The following TRIM10 variants were observed in gnomAD, a reference collection of about 807,000 sequenced individuals.
TRIM10 encodes tripartite motif containing 10, also known as tripartite motif-containing protein 10.
Under a neutral mutation model 40.0 loss-of-function variants are expected in TRIM10, and 42 were observed. The ratio of observed to expected loss-of-function variants is 1.05; its 90% CI spans 0.82 to 1.36. The LOEUF is 1.36. Ranked by LOEUF, TRIM10 falls within the 40% of genes most tolerant of loss-of-function variation. TRIM10 has a pLI of 0.00. For synonymous variants in TRIM10, 260 were observed against 239.5 expected (o/e 1.09, Z -0.79); for missense variants, 601 against 608.3 (o/e 0.99, Z 0.13).
chr6:30,155,450 G>A (rs967044587), intron 6 of TRIM10, among the ~76,000 whole-genome samples: 2 of 152,054 alleles, frequency 1.3e-5, no homozygotes, highest in Non-Finnish European at 2.9e-5. Flanking sequence ...TTCATACCAC[G>A]AATGTAGTAT....
In TRIM10 at chr6:30,154,230, C is replaced by T; in HGVS notation, c.1185G>A (p.Arg395=). 1 of 1,612,910 alleles carries T rather than the reference C, an allele frequency of 6.2e-7. No homozygotes were observed. The highest frequency in any genetic ancestry group is 8.5e-7 in the Non-Finnish European group (1 of 1,179,940). The change falls in exon 7 of 7, where the codon CGG becomes CGA. Residue 395 remains arginine (R), a synonymous_variant. Transcript: ENST00000449742. The part of the protein sequence containing the change: ...SEDVQRKGEL[R]LRPEEGVWAV... ...CCCACACCCCCTCCTCTGGCCGCAG[C>T]CGAAGCTCCCCCTTCCGCTGCACAT...
At chr6:30,163,957 C>T (rs1236786196), upstream of TRIM10, 9 of 1,612,876 alleles carry the variant, frequency 5.6e-6, no homozygotes, top group Admixed American at 1.5e-4. Context: ...AGAAGATCTA[C>T]TTCTTCTGCG....
intron 4 of TRIM10, 103 bp from the exon 5 acceptor site, chr6:30,157,157 C>T (rs1772621971): frequency 1.6e-6 from 2 of 1,248,010 alleles, no homozygotes; most frequent in East Asian, 2.4e-5. Context: ...CTAGTTCCTG[C>T]AGGCAGACGT....
intron 3 of TRIM10, among the ~76,000 whole-genome samples, chr6:30,158,002 G>A (rs1165594462): frequency 6.6e-6 from 1 of 152,172 alleles, no homozygotes; most frequent in African/African-American, 2.4e-5. Flanking sequence ...CTCCTCCAGT[G>A]TGAGGAAGTG....
Position 30,156,419 on chromosome 6 carries a change from T to C in TRIM10, c.895+520A>G, listed in dbSNP as rs192151410. On this transcript the variant is annotated intron_variant, in intron 5 of 6. Transcript: ENST00000449742. ...CTCATCCAAACCCTCCCCCACACCC[T>C]ACCACCACTCCCTGTTCCGGAAAAG... Among the ~76,000 whole-genome samples the C allele has an allele frequency of 8.7e-3, 1,321 of 151,776 alleles. 17 individuals are homozygous for C. Among genetic ancestry groups the C allele is most frequent in the African/African-American group, 0.027 (1,136 of 41,450 alleles).
chr6:30,153,428 C>G lies in TRIM10; in HGVS notation c.*541G>C. On this transcript the variant is annotated 3_prime_UTR_variant, in exon 7 of 7. Transcript: ENST00000449742. The stretch of plus-strand genomic sequence containing the variant: ...GTGCTGTAATTTCCTCTTTATGTTT[C>G]TCTGTCTTCCCAAGAGCTCTTTCAG... 1 of 493,472 alleles carries G rather than the reference C, an allele frequency of 2.0e-6. No homozygotes were observed. Among genetic ancestry groups the G allele is most frequent in the South Asian group, 2.9e-5 (1 of 34,478 alleles). 30.6% of individuals were successfully genotyped at this position (493,472 alleles called of 1,614,324 possible).
chr6:30,154,025 C>G lies in TRIM10; in HGVS notation c.1390G>C (p.Val464Leu). The G allele has an allele frequency of 6.2e-7, 1 of 1,611,442 alleles. No individual in the cohort carries two copies. Among genetic ancestry groups the G allele is most frequent in the Non-Finnish European group, 8.5e-7 (1 of 1,178,718 alleles). ...CCCCAGAGCCCAAAGAAGGGAATGA[C>G]CTTCCTAGTGAAGGAGGCAGTGAAG... Reference protein sequence around the residue: ...YTFTASFTRKVIPFFGLWGRG... With the variant: ...YTFTASFTRKLIPFFGLWGRG... The change falls in exon 7 of 7, where the codon GTC (valine) becomes CTC (leucine). Residue 464 changes from valine (V) to leucine (L), a missense_variant. By Grantham distance (32) the Val-to-Leu change is conservative. Coordinates refer to ENST00000449742, the MANE Select transcript of TRIM10 (RefSeq NM_006778.4).
At chr6:30,163,638 G>A, upstream of TRIM10, 1 of 1,548,804 alleles carries the variant, frequency 6.5e-7, no homozygotes, top group Non-Finnish European at 8.7e-7. Flanking sequence ...AAGGGAACTC[G>A]CGTGGGCTGA....
intron 3 of TRIM10, 98 bp downstream of exon 3, chr6:30,158,301 C>T: frequency 9.8e-7 from 1 of 1,025,264 alleles, no homozygotes; most frequent in South Asian, 1.3e-5. Flanking sequence ...ATCTGGGATA[C>T]AGAGATGTGT....
Position 30,154,494 on chromosome 6 carries a change from G to GA in TRIM10, c.929-9dup, listed in dbSNP as rs1562115722. The GA allele has an allele frequency of 6.2e-7, 1 of 1,607,838 alleles. No homozygotes were observed. The highest frequency in any genetic ancestry group is 1.7e-5 in the Admixed American group (1 of 59,996). On this transcript the variant is annotated splice_polypyrimidine_tract_variant and intron_variant, in intron 6 of 6. Coordinates refer to ENST00000449742, the MANE Select transcript of TRIM10 (RefSeq NM_006778.4). ...GGTCTAGAGAAATGTGAGCTGTGGG[G>GA]ATAACCAAAAGGGACAGATGTCAGC... is the stretch of plus-strand genomic sequence containing the variant.
In TRIM10 at chr6:30,153,992, A is replaced by G. The variant is rs749774785; in HGVS notation, c.1423T>C (p.Ser475Pro). 1 of 1,604,032 alleles carries G rather than the reference A, an allele frequency of 6.2e-7. No homozygotes were observed. The highest frequency in any genetic ancestry group is 8.5e-7 in the Non-Finnish European group (1 of 1,172,920). Residue 475 changes from serine (S) to proline (P), a missense_variant, in exon 7 of 7, where the codon TCC becomes CCC. Ser to Pro is a moderately conservative substitution (Grantham distance 74). Coordinates refer to ENST00000449742, the MANE Select transcript of TRIM10 (RefSeq NM_006778.4). ...TCTCAGGAGCTCAGGGAGAAACTGG[A>G]CCCTCGGCCCCAGAGCCCAAAGAAG... ...IPFFGLWGRG[S>P]SFSLSS
chr6:30,159,269 C>T (rs1440972786), intron 1 of TRIM10, 24 bp from the exon 2 acceptor site: 4 of 1,499,876 alleles, frequency 2.7e-6, no homozygotes, highest in Non-Finnish European at 3.7e-6. Context: ...ACATAAAATA[C>T]TCAAGATGGA....
intron 5 of TRIM10, 135 bp from the exon 6 acceptor site, chr6:30,155,894 G>T (rs969573654): frequency 6.6e-6 from 5 of 758,516 alleles, no homozygotes; most frequent in Non-Finnish European, 1.1e-5. Context: ...CTAGACCAGT[G>T]GTTCCAAGCT....
Position 30,157,061 on chromosome 6 carries a change from G to A in TRIM10, c.780-7C>T, listed in dbSNP as rs761452256. The A allele has an allele frequency of 6.2e-7, 1 of 1,611,768 alleles. No individual in the cohort carries two copies. The highest frequency in any genetic ancestry group is 2.2e-5 in the East Asian group (1 of 44,870). On this transcript the variant is annotated splice_polypyrimidine_tract_variant and splice_region_variant and intron_variant, in intron 4 of 6. Transcript: ENST00000449742. Reference sequence around the variant, plus strand: ...GCACTTTCTGGTTTCACATCTAGGGGCACAGAAATGGCTGGGTCTGGGAAT... The same window carrying A: ...GCACTTTCTGGTTTCACATCTAGGGACACAGAAATGGCTGGGTCTGGGAAT...
chr6:30,163,922 G>A (rs1458419314), upstream of TRIM10: 1 of 1,613,148 alleles, frequency 6.2e-7, no homozygotes, highest in Non-Finnish European at 8.5e-7. Context: ...CCCGCTGGGA[G>A]AAACTTACTG....
intron 2 of TRIM10, among the ~76,000 whole-genome samples, chr6:30,158,888 T>C (rs1013543732): frequency 1.3e-5 from 2 of 152,220 alleles, no homozygotes; most frequent in Non-Finnish European, 2.9e-5. Flanking sequence ...AAGCACATTA[T>C]GTGCACAGCC....
At chr6:30,156,689 A>T in intron 5 of TRIM10, 1 of 608,554 alleles carries the variant, frequency 1.6e-6, no homozygotes, top group African/African-American at 1.8e-5. Context: ...ATGACCACTA[A>T]TCAGATTTGT....
chr6:30,158,872 T>C (rs1772824031), intron 2 of TRIM10, among the ~76,000 whole-genome samples: 1 of 152,168 alleles, frequency 6.6e-6, no homozygotes, highest in Non-Finnish European at 1.5e-5. Flanking sequence ...TCCTGTCTTG[T>C]ATGAAAAGCA....
rs1458777714 is a variant in TRIM10, at chr6:30,157,014, G to A, written c.820C>T (p.Pro274Ser). ...RKCRKPVAVS[P>S]ELGQRIRDFP... ...TCCCGAATCCTCTGGCCCAGCTCTG[G>A]CGACACAGCCACCGGTTTCCGGCAC... Residue 274 changes from proline (P) to serine (S), a missense_variant, in exon 5 of 7, where the codon CCA becomes TCA. Transcript: ENST00000449742. 6.2e-7 allele frequency: 1 copy of A among 1,613,050 alleles called. No individual in the cohort carries two copies. The highest frequency in any genetic ancestry group is 1.7e-5 in the Admixed American group (1 of 60,022).
Sources: gnomAD v4.1 joint callset for allele counts (sites outside exome capture counted in the v4.1 genomes callset) on GRCh38, gnomAD v4.1.1 for gene constraint, MANE v1.5 for transcripts, NCBI Gene and HGNC (gene_info 2026-07-23, HGNC 2026-07-21) for gene names.